The following RAB3C variants were observed in gnomAD, a reference collection of about 807,000 sequenced individuals.
RAB3C encodes ras-related protein Rab-3C.
In RAB3C, 17 loss-of-function variants were observed where a neutral mutation model predicts 26.4. The observed-to-expected ratio is 0.64, with a 90% CI of 0.44 to 0.97. The LOEUF is 0.97. RAB3C is among the 50% of genes least tolerant of loss of function. The probability of loss-of-function intolerance (pLI) is 0.00; values close to 1 mark genes in which losing one functional copy is unlikely to be tolerated. For synonymous variants in RAB3C, 91 were observed against 95.9 expected (o/e 0.95, Z 0.30); for missense variants, 242 against 281.9 (o/e 0.86, Z 1.01).
chr5:58,813,045 G>A (rs1743123785), intron 3 of RAB3C, among the ~76,000 whole-genome samples: 1 of 152,260 alleles, frequency 6.6e-6, no homozygotes, highest in African/African-American at 2.4e-5. Context: ...TTGTATTCCA[G>A]TTCTGTTATA....
At chr5:58,603,583 A>G (rs1009126832) in intron 1 of RAB3C, among the ~76,000 whole-genome samples, 1 of 151,966 alleles carries the variant, frequency 6.6e-6, no homozygotes, top group Non-Finnish European at 1.5e-5. Flanking sequence ...TCTTTTTTCT[A>G]CTTGTTCAAT....
At chr5:58,743,989 G>T (rs1375362890) in intron 3 of RAB3C, among the ~76,000 whole-genome samples, 1 of 152,094 alleles carries the variant, frequency 6.6e-6, no homozygotes, top group Non-Finnish European at 1.5e-5. Context: ...TTAAAATTTG[G>T]ACTGGATCTT....
At chr5:58,749,430 A>G (rs1401381040) in intron 3 of RAB3C, among the ~76,000 whole-genome samples, 3 of 152,228 alleles carry the variant, frequency 2.0e-5, no homozygotes, top group Admixed American at 6.5e-5. Context: ...TCACAAAAGA[A>G]AAAGACATAT....
chr5:58,679,000 C>T (rs1748292970), intron 2 of RAB3C, among the ~76,000 whole-genome samples: 1 of 152,202 alleles, frequency 6.6e-6, no homozygotes, highest in African/African-American at 2.4e-5. Flanking sequence ...GTTTCCTGAG[C>T]TGATGGACTG....
chr5:58,775,082 A>G (rs1742098310), intron 3 of RAB3C, among the ~76,000 whole-genome samples: 1 of 152,098 alleles, frequency 6.6e-6, no homozygotes, highest in South Asian at 2.1e-4. Flanking sequence ...AAGAAGTGGG[A>G]ACCCTGGTTA....
intron 4 of RAB3C, among the ~76,000 whole-genome samples, chr5:58,829,411 C>CT: frequency 6.6e-6 from 1 of 151,952 alleles, no homozygotes; most frequent in East Asian, 1.9e-4. Context: ...AATAATTTAT[C>CT]TGGGAATAAG....
intron 1 of RAB3C, among the ~76,000 whole-genome samples, chr5:58,591,279 T>A (rs1164891502): frequency 1.3e-5 from 2 of 152,170 alleles, no homozygotes; most frequent in South Asian, 2.1e-4. Flanking sequence ...CTAAGACCTT[T>A]AATATCCTTA....
chr5:58,762,938 T>G (rs1159010266), intron 3 of RAB3C, among the ~76,000 whole-genome samples: 1 of 152,186 alleles, frequency 6.6e-6, no homozygotes. Context: ...ACTCGTGATA[T>G]GAGAGAACTA....
chr5:58,792,355 C>A (rs934926628), intron 3 of RAB3C, among the ~76,000 whole-genome samples: 1 of 152,324 alleles, frequency 6.6e-6, no homozygotes, highest in African/African-American at 2.4e-5. Flanking sequence ...GGGGCAAAAC[C>A]TTTTCCTCAT....
intron 3 of RAB3C, among the ~76,000 whole-genome samples, chr5:58,798,947 C>T (rs572888200): frequency 1.3e-5 from 2 of 152,158 alleles, no homozygotes; most frequent in East Asian, 1.9e-4. Context: ...TGAAAAAGTT[C>T]GGGAGGAGTC....
chr5:58,811,342 TGC>T (rs1161865431), intron 3 of RAB3C, among the ~76,000 whole-genome samples: 26 of 148,678 alleles, frequency 1.7e-4, no homozygotes, highest in Middle Eastern at 3.5e-3. Context: ...GGTTAGATTT[TGC>T]GTGTGTGTGT....
chr5:58,721,758 C>T (rs919592999), intron 2 of RAB3C, among the ~76,000 whole-genome samples: 5 of 151,630 alleles, frequency 3.3e-5, no homozygotes, highest in Non-Finnish European at 5.9e-5. Context: ...ATTTGGAGAA[C>T]AAATTTTCTC....
intron 2 of RAB3C, among the ~76,000 whole-genome samples, chr5:58,627,471 TAAAAAAAAAAAAAAAAAAAAA>T (rs58104232): frequency 2.0e-4 from 14 of 68,440 alleles, no homozygotes; most frequent in East Asian, 1.4e-3. Context: ...GACTCCGTCT[TAAAAAAAAAAAAAAAAAAAAA>T]AAAAAAAAAA....
intron 3 of RAB3C, among the ~76,000 whole-genome samples, chr5:58,802,662 A>G (rs1318652987): frequency 6.6e-6 from 1 of 152,238 alleles, no homozygotes; most frequent in African/African-American, 2.4e-5. Flanking sequence ...GGATTGCTCT[A>G]GGTGTGAAAT....
intron 3 of RAB3C, among the ~76,000 whole-genome samples, chr5:58,729,443 G>C (rs1235592028): frequency 1.3e-5 from 2 of 151,676 alleles, no homozygotes; most frequent in African/African-American, 4.8e-5. Context: ...ACACCAACCT[G>C]CTTTCTGTCT....
At position 58,752,884 on chromosome 5, in the gene RAB3C, T is replaced by C. The variant is rs911581031; in HGVS notation, c.371+26764T>C. On this transcript the variant is annotated intron_variant, in intron 3 of 4. Transcript: ENST00000282878. ...AATTCACTCCCAATCTCAAAATAGT[T>C]ATTGATGATCTAACTACTTGTAATG... Among the ~76,000 whole-genome samples the C allele has an allele frequency of 2.6e-5, 4 of 152,162 alleles. No individual in the cohort carries two copies. The South Asian group carries it at 8.3e-4, about 32-fold the overall frequency.
intron 1 of RAB3C, among the ~76,000 whole-genome samples, chr5:58,602,221 A>G (rs1224643083): frequency 6.6e-6 from 1 of 152,146 alleles, no homozygotes; most frequent in African/African-American, 2.4e-5. Flanking sequence ...AATGCTTGAT[A>G]TAATTTTAAT....
chr5:58,842,486 C>T (rs796751158), intron 4 of RAB3C, among the ~76,000 whole-genome samples: 5 of 152,320 alleles, frequency 3.3e-5, no homozygotes, highest in African/African-American at 1.2e-4. Context: ...CATGATATTT[C>T]ATCCGTGTAA....
intron 3 of RAB3C, among the ~76,000 whole-genome samples, chr5:58,761,774 T>C (rs1741801336): frequency 6.6e-6 from 1 of 152,248 alleles, no homozygotes. Flanking sequence ...TGTCTTTATA[T>C]ACTGTAAGTG....
Sources: gnomAD v4.1 joint callset for allele counts (sites outside exome capture counted in the v4.1 genomes callset) on GRCh38, gnomAD v4.1.1 for gene constraint, MANE v1.5 for transcripts, NCBI Gene and HGNC (gene_info 2026-07-23, HGNC 2026-07-21) for gene names.